Variants in IFT70B observed in about 807,000 individuals in gnomAD.
IFT70B encodes intraflagellar transport protein 70B.
chr2:177,550,971 G>C, the IFT70B span: 6 of 1,614,086 alleles, frequency 3.7e-6, no homozygotes, highest in Non-Finnish European at 5.1e-6. Flanking sequence ...TGTGTGTTTT[G>C]ACATGTTTTC....
At chr2:177,551,182 C>G in the IFT70B span, 1 of 1,613,802 alleles carries the variant, frequency 6.2e-7, no homozygotes, top group Non-Finnish European at 8.5e-7. Flanking sequence ...AGCTGCTCTT[C>G]CTCCTTTTCA....
chr2:177,552,345 G>C, the IFT70B span: 1 of 1,614,084 alleles, frequency 6.2e-7, no homozygotes, highest in Non-Finnish European at 8.5e-7. Context: ...TTCCCTACTC[G>C]GCAGCTGCTC....
the IFT70B span, chr2:177,551,675 G>A: frequency 5.5e-5 from 88 of 1,614,120 alleles, no homozygotes; most frequent in African/African-American, 6.7e-4. Flanking sequence ...TGATCACAGC[G>A]TCCAAGAAGT....
At chr2:177,552,742 G>C in the IFT70B span, 8 of 1,577,890 alleles carry the variant, frequency 5.1e-6, no homozygotes, top group African/African-American at 5.4e-5. Context: ...TCGGGGATCT[G>C]CGCGCCGCTC....
the IFT70B span, chr2:177,550,951 G>A: frequency 5.0e-6 from 8 of 1,613,996 alleles, no homozygotes; most frequent in East Asian, 2.2e-5. Context: ...ACACTATCAC[G>A]AAGCATGATT....
At chr2:177,552,631 G>A in the IFT70B span, 2 of 1,588,384 alleles carry the variant, frequency 1.3e-6, no homozygotes, top group Non-Finnish European at 1.7e-6. Flanking sequence ...AGGCCGGCGC[G>A]GCTCCTAGGG....
At chr2:177,552,064 T>A in the IFT70B span, 178 of 1,614,230 alleles carry the variant, frequency 1.1e-4, no homozygotes, top group South Asian at 2.7e-4. Flanking sequence ...CGAACATCAA[T>A]GCCCTCAGTG....
At chr2:177,552,160 G>C in the IFT70B span, 2 of 1,614,208 alleles carry the variant, frequency 1.2e-6, no homozygotes, top group Non-Finnish European at 1.7e-6. Context: ...GCATACTGTC[G>C]GCTGCTGTAA....
chr2:177,552,395 C>T, the IFT70B span: 4 of 1,613,840 alleles, frequency 2.5e-6, no homozygotes, highest in Non-Finnish European at 3.4e-6. Context: ...CCTCGCTGTA[C>T]TTGATAGCAG....
the IFT70B span, chr2:177,552,769 C>A: frequency 2.6e-5 from 40 of 1,539,324 alleles, no homozygotes; most frequent in African/African-American, 5.2e-4. Context: ...GCCATAACCA[C>A]CACGGCTGTT....
At chr2:177,550,048 T>C in the IFT70B span, 1 of 152,192 alleles carries the variant, frequency 6.6e-6, no homozygotes, top group Non-Finnish European at 1.5e-5. Context: ...GATAGCTCTG[T>C]TATTTCTCAC....
At chr2:177,551,640 G>A in the IFT70B span, 92 of 1,614,194 alleles carry the variant, frequency 5.7e-5, 1 homozygote, top group East Asian at 2.0e-3. Flanking sequence ...CTTAATGAAA[G>A]CCTCTTCAGG....
chr2:177,550,927 C>G, the IFT70B span: 1 of 1,614,146 alleles, frequency 6.2e-7, no homozygotes, highest in East Asian at 2.2e-5. Flanking sequence ...AGAAACTGGA[C>G]ACATTCTTGA....
At chr2:177,552,765 AC>A in the IFT70B span, 8 of 1,550,350 alleles carry the variant, frequency 5.2e-6, no homozygotes, top group East Asian at 1.8e-4. Context: ...GCCAGCCATA[AC>A]CACCACGGCT....
At chr2:177,550,744 TA>T in the IFT70B span, 1 of 1,545,302 alleles carries the variant, frequency 6.5e-7, no homozygotes, top group Middle Eastern at 1.7e-4. Context: ...AGCCATTTGA[TA>T]AATGCCACTA....
At chr2:177,551,881 G>C in the IFT70B span, 1 of 1,614,252 alleles carries the variant, frequency 6.2e-7, no homozygotes, top group Non-Finnish European at 8.5e-7. Flanking sequence ...ATGTTCATTA[G>C]TGCCTGGTTG....
the IFT70B span, chr2:177,552,280 A>G: frequency 3.7e-6 from 6 of 1,614,220 alleles, no homozygotes; most frequent in Non-Finnish European, 5.1e-6. Context: ...TAGAGCAAAC[A>G]ACCCAGGTTG....
chr2:177,551,785 A>G, the IFT70B span: 1 of 1,614,248 alleles, frequency 6.2e-7, no homozygotes, highest in Non-Finnish European at 8.5e-7. Context: ...TAGAGCAGCA[A>G]CAGGTTGCCA....
the IFT70B span, chr2:177,552,130 C>G: frequency 6.2e-7 from 1 of 1,614,226 alleles, no homozygotes; most frequent in African/African-American, 1.3e-5. Context: ...ATAATCTCAG[C>G]GATATGCTTC....
Sources: gnomAD v4.1 joint callset for allele counts on GRCh38, gnomAD v4.1.1 for gene constraint, MANE v1.5 for transcripts, NCBI Gene and HGNC (gene_info 2026-07-23, HGNC 2026-07-21) for gene names.